ZNF540: variants seen among roughly 807,000 people sequenced by gnomAD.
The protein encoded by ZNF540 is zinc finger protein 540.
Under a neutral mutation model 11.8 loss-of-function variants are expected in ZNF540, and 3 were observed. That is an observed-to-expected ratio of 0.25 (90% confidence interval 0.12 to 0.65). The LOEUF (loss-of-function observed/expected upper bound fraction) is 0.65. ZNF540 is among the 30% of genes least tolerant of loss of function. The pLI, the probability that ZNF540 is intolerant of heterozygous loss-of-function variation, is 0.83. For missense variants in ZNF540, 709 were observed against 793.1 expected (o/e 0.89, Z 1.27); for synonymous variants, 247 against 259.0 (o/e 0.95, Z 0.45).
chr19:37,584,224 A>G (rs1165933154), intron 1 of ZNF540: 4 of 1,318,898 alleles, frequency 3.0e-6, no homozygotes, highest in Admixed American at 3.9e-5. Flanking sequence ...TTGCCTAAAC[A>G]GTAGTATTAA....
intron 1 of ZNF540, among the ~76,000 whole-genome samples, chr19:37,579,824 T>C (rs964832195): frequency 4.6e-5 from 7 of 152,190 alleles, no homozygotes; most frequent in Non-Finnish European, 1.0e-4. Flanking sequence ...ATAACCTTAA[T>C]ATACTTTTTT....
At position 37,613,232 on chromosome 19, in the gene ZNF540, A is replaced by G; in HGVS notation, c.1952A>G (p.Tyr651Cys). The part of the protein sequence containing the change: ...RKAFRQYSHL[Y>C]QHQKTHNVI Reference sequence around the variant, plus strand: ...GCCTTTAGACAATATTCACATCTTTATCAACATCAGAAAACTCATAATGTA... The same window carrying G: ...GCCTTTAGACAATATTCACATCTTTGTCAACATCAGAAAACTCATAATGTA... The change falls in exon 5 of 5, where the codon TAT (tyrosine) becomes TGT (cysteine). Residue 651 changes from tyrosine (Y) to cysteine (C), a missense_variant. Transcript: ENST00000316433. 6.6e-7 allele frequency: 1 copy of G among 1,526,484 alleles called. No homozygotes were observed. Among genetic ancestry groups the G allele is most frequent in the Non-Finnish European group, 8.8e-7 (1 of 1,136,630 alleles). The allele number at this position is 1,526,484 out of a possible 1,614,324, so 94.6% of individuals were successfully genotyped here. A position where few individuals can be genotyped will look rare whatever the true frequency, so the allele number is the denominator to read the frequency against.
At chr19:37,551,863 T>C (rs931667677) in intron 1 of ZNF540, among the ~76,000 whole-genome samples, 1 of 151,980 alleles carries the variant, frequency 6.6e-6, no homozygotes, top group African/African-American at 2.4e-5. Flanking sequence ...GAAAAGAATG[T>C]GTCTCGTGCG....
chr19:37,604,905 T>C (rs961534613), intron 4 of ZNF540, among the ~76,000 whole-genome samples: 1 of 152,222 alleles, frequency 6.6e-6, no homozygotes, highest in Non-Finnish European at 1.5e-5. Flanking sequence ...CAGTATTCTG[T>C]GTCATACTAC....
At chr19:37,557,083 C>T (rs1600440469) in intron 1 of ZNF540, among the ~76,000 whole-genome samples, 1 of 152,164 alleles carries the variant, frequency 6.6e-6, no homozygotes. Flanking sequence ...TTGGCGGTTT[C>T]GTTTTTGGTA....
chr19:37,553,578 T>C (rs900997600), intron 1 of ZNF540, among the ~76,000 whole-genome samples: 5 of 152,244 alleles, frequency 3.3e-5, no homozygotes, highest in African/African-American at 7.2e-5. Context: ...TGCCTATTTT[T>C]GTATTTTTTA....
At position 37,613,753 on chromosome 19, in the gene ZNF540, A is replaced by G; in HGVS notation, c.*490A>G. ...TTTGGAAAAACCACTCATCACTTAC[A>G]TTTCATGAAGTACTTCTTTGATAAA... On this transcript the variant is annotated 3_prime_UTR_variant, in exon 5 of 5. Transcript: ENST00000316433. 2.5e-6 allele frequency: 1 copy of G among 398,678 alleles called. No homozygotes were observed. The highest frequency in any genetic ancestry group is 4.4e-6 in the Non-Finnish European group (1 of 226,148). 24.7% of individuals were successfully genotyped at this position (398,678 alleles called of 1,614,324 possible).
At chr19:37,565,404 T>C in intron 1 of ZNF540, 1 of 1,613,808 alleles carries the variant, frequency 6.2e-7, no homozygotes, top group South Asian at 1.1e-5. Context: ...AAAAAGGCTT[T>C]CCCACATTCT....
intron 4 of ZNF540, among the ~76,000 whole-genome samples, chr19:37,608,392 G>A (rs536944535): frequency 6.6e-6 from 1 of 152,104 alleles, no homozygotes; most frequent in Admixed American, 6.5e-5. Context: ...TTCTTTCTTA[G>A]AATATTCATC....
At chr19:37,559,464 G>T (rs913847964) in intron 1 of ZNF540, among the ~76,000 whole-genome samples, 1 of 152,226 alleles carries the variant, frequency 6.6e-6, no homozygotes, top group African/African-American at 2.4e-5. Flanking sequence ...AGCTTATGGG[G>T]AATGGATAGA....
At chr19:37,563,973 T>G (rs1240466772) in intron 1 of ZNF540, 1 of 152,200 alleles carries the variant, frequency 6.6e-6, no homozygotes, top group Non-Finnish European at 1.5e-5. Context: ...AAAAATAATC[T>G]TTCACTTTCT....
intron 1 of ZNF540, among the ~76,000 whole-genome samples, chr19:37,584,726 G>C (rs1027407089): frequency 6.6e-6 from 1 of 152,068 alleles, no homozygotes; most frequent in Non-Finnish European, 1.5e-5. Context: ...ACTTTGGGAG[G>C]CCGAGGCGGG....
upstream of ZNF540, among the ~76,000 whole-genome samples, chr19:37,590,128 G>A (rs1011587827): frequency 1.7e-5 from 1 of 58,220 alleles, no homozygotes; most frequent in Non-Finnish European, 3.4e-5. Flanking sequence ...TAAGGAGCTG[G>A]GCATGCGGTG....
chr19:37,593,758 T>A (rs2061779), upstream of ZNF540, among the ~76,000 whole-genome samples: 1,019 of 151,838 alleles, frequency 6.7e-3, 31 homozygotes, highest in East Asian at 0.05. Context: ...GCTGTATCAT[T>A]GGGTGGAAAG....
intron 1 of ZNF540, among the ~76,000 whole-genome samples, chr19:37,589,503 G>A (rs977422480): frequency 6.6e-6 from 1 of 151,444 alleles, no homozygotes; most frequent in African/African-American, 2.4e-5. Flanking sequence ...AAAAGTCAAC[G>A]GTCATTCAAC....
In ZNF540 at chr19:37,606,400, T is replaced by C. The variant is rs76032943; in HGVS notation, c.233-5113T>C. Among the ~76,000 whole-genome samples the C allele has an allele frequency of 6.3e-3, 954 of 152,330 alleles. 12 individuals carry two copies. The highest frequency in any genetic ancestry group is 0.022 in the African/African-American group (898 of 41,566). On this transcript the variant is annotated intron_variant, in intron 4 of 4. Coordinates refer to ENST00000316433, the MANE Select transcript of ZNF540 (RefSeq NM_001172225.3). ...CTATAAACATGAGTATACATATCATTGTGTGGACATATGTCTTAATTCATC... is the reference window on the plus strand; with the variant it reads ...CTATAAACATGAGTATACATATCATCGTGTGGACATATGTCTTAATTCATC...
In ZNF540 at chr19:37,612,631, C is replaced by T. The variant is rs780840341; in HGVS notation, c.1351C>T (p.Arg451Cys). Residue 451 changes from arginine to cysteine, a missense_variant, in exon 5 of 5, where the codon CGT becomes TGT. By Grantham distance (180) the Arg-to-Cys change is radical (BLOSUM62 -3). Coordinates refer to ENST00000316433, the MANE Select transcript of ZNF540 (RefSeq NM_001172225.3). ...CKECGKAFML[R>C]SVLTEHQRLH... Reference sequence around the variant, plus strand: ...GGAATGCGGGAAAGCCTTTATGCTTCGTTCAGTCCTTACTGAACATCAGAG... The same window carrying T: ...GGAATGCGGGAAAGCCTTTATGCTTTGTTCAGTCCTTACTGAACATCAGAG... 7 of 1,613,860 alleles carry T rather than the reference C, an allele frequency of 4.3e-6. No individual in the cohort carries two copies. Among genetic ancestry groups the T allele is most frequent in the East Asian group, 2.2e-5 (1 of 44,816 alleles).
intron 1 of ZNF540, among the ~76,000 whole-genome samples, chr19:37,581,466 C>CA (rs2043459941): frequency 7.2e-6 from 1 of 138,730 alleles, no homozygotes; most frequent in Non-Finnish European, 1.6e-5. Context: ...TTCTTTCTTT[C>CA]TTTTTTTTTT....
At chr19:37,558,592 T>C (rs1004689446) in intron 1 of ZNF540, among the ~76,000 whole-genome samples, 2 of 152,118 alleles carry the variant, frequency 1.3e-5, no homozygotes, top group South Asian at 2.1e-4. Flanking sequence ...CTTGAGGAAT[T>C]TGGGTCCCAA....
Sources: allele counts gnomAD v4.1 joint callset (sites outside exome capture counted in the v4.1 genomes callset), GRCh38; gene constraint gnomAD v4.1.1; transcripts MANE v1.5; gene names NCBI Gene and HGNC (gene_info 2026-07-23, HGNC 2026-07-21).